KLF12: variants seen among roughly 807,000 people sequenced by gnomAD.
KLF12 encodes KLF transcription factor 12, also known as Krueppel-like factor 12.
A neutral mutation model predicts 37.8 loss-of-function variants in KLF12; 9 were observed. The ratio of observed to expected loss-of-function variants is 0.24; its 90% CI spans 0.14 to 0.42. The LOEUF (loss-of-function observed/expected upper bound fraction) is 0.42, where lower values mean the gene tolerates loss of function less well. KLF12 is among the 10% of genes least tolerant of loss of function. The pLI is 1.00. For synonymous variants in KLF12, 208 were observed against 202.1 expected, an observed-to-expected ratio of 1.03 and a Z score of -0.25; for missense variants, 411 against 516.0, an observed-to-expected ratio of 0.80 and a Z score of 1.97.
chr13:73,995,509 AT>A (rs1325327719), intron 1 of KLF12, among the ~76,000 whole-genome samples: 1 of 152,222 alleles, frequency 6.6e-6, no homozygotes, highest in Non-Finnish European at 1.5e-5. Context: ...ATGTCATTTC[AT>A]TGGGGGAAAT....
intron 3 of KLF12, among the ~76,000 whole-genome samples, chr13:73,854,606 G>A (rs1024083476): frequency 1.8e-4 from 27 of 152,128 alleles, no homozygotes; most frequent in Non-Finnish European, 3.5e-4. Context: ...GGTTCCTTTG[G>A]TAGTATCCAT....
intron 1 of KLF12, among the ~76,000 whole-genome samples, chr13:74,009,654 G>A (rs1536027): frequency 0.96 from 146,224 of 152,294 alleles, 70,461 homozygotes; most frequent in East Asian, 1. Context: ...CTTCTAAACG[G>A]CTTGATTTGC....
the KLF12 span, among the ~76,000 whole-genome samples, chr13:74,147,014 C>T: frequency 3.9e-5 from 6 of 152,146 alleles, no homozygotes; most frequent in Non-Finnish European, 7.4e-5. Context: ...TTGTGTAGCC[C>T]GTGCATGTCA....
intron 1 of KLF12, among the ~76,000 whole-genome samples, chr13:74,085,394 A>G (rs1462085656): frequency 1.3e-5 from 2 of 152,214 alleles, no homozygotes; most frequent in African/African-American, 2.4e-5. Context: ...CGTAGCTCAT[A>G]TTACAACAAG....
the KLF12 span, among the ~76,000 whole-genome samples, chr13:74,237,439 C>G: frequency 7.4e-6 from 1 of 135,686 alleles, no homozygotes; most frequent in Non-Finnish European, 1.5e-5. Context: ...TTTTTTGGTT[C>G]CATATGAACT....
intron 1 of KLF12, among the ~76,000 whole-genome samples, chr13:74,095,492 G>A (rs1369866049): frequency 1.3e-5 from 2 of 151,902 alleles, no homozygotes; most frequent in Non-Finnish European, 2.9e-5. Flanking sequence ...GGGCTCAAGC[G>A]ATCCTCCCAC....
intron 3 of KLF12, among the ~76,000 whole-genome samples, chr13:73,921,173 G>A (rs1280861836): frequency 6.6e-6 from 1 of 152,114 alleles, no homozygotes; most frequent in Admixed American, 6.6e-5. Context: ...CTTCTATGAA[G>A]AGGGTATTTA....
chr13:74,115,245 T>A (rs1302688186), intron 1 of KLF12, among the ~76,000 whole-genome samples: 4 of 152,354 alleles, frequency 2.6e-5, no homozygotes. Context: ...AAAGACCTTA[T>A]AACCACTAAC....
At chr13:74,066,856 A>C (rs1873948617) in intron 1 of KLF12, among the ~76,000 whole-genome samples, 1 of 152,298 alleles carries the variant, frequency 6.6e-6, no homozygotes, top group East Asian at 1.9e-4. Flanking sequence ...ACTCTTAAAA[A>C]TGGGGCATTA....
the KLF12 span, among the ~76,000 whole-genome samples, chr13:74,299,062 G>T: frequency 2.0e-5 from 3 of 152,220 alleles, no homozygotes; most frequent in Non-Finnish European, 4.4e-5. Flanking sequence ...GGAAATGCGG[G>T]TGCCCACATA....
intron 1 of KLF12, among the ~76,000 whole-genome samples, chr13:74,105,375 A>T (rs909330666): frequency 6.6e-6 from 1 of 152,180 alleles, no homozygotes; most frequent in African/African-American, 2.4e-5. Flanking sequence ...ATAAATTTTT[A>T]AAAAATATTA....
chr13:74,216,935 G>A, the KLF12 span, among the ~76,000 whole-genome samples: 191 of 152,028 alleles, frequency 1.3e-3, no homozygotes, highest in Non-Finnish European at 2.0e-3. Flanking sequence ...GTTAAGAGTC[G>A]GCCTATATAT....
intron 5 of KLF12, among the ~76,000 whole-genome samples, chr13:73,789,699 C>CA (rs1226773029): frequency 1.4e-5 from 2 of 145,794 alleles, no homozygotes; most frequent in African/African-American, 5.1e-5. Context: ...TTCTTTGAGA[C>CA]AGAGTCTCGC....
the KLF12 span, among the ~76,000 whole-genome samples, chr13:74,156,670 T>C: frequency 7.5e-4 from 111 of 148,268 alleles, no homozygotes; most frequent in African/African-American, 2.6e-3. Context: ...CTACTCTCTA[T>C]GTTCACCAAT....
At chr13:73,996,553 T>C (rs907973987) in intron 1 of KLF12, among the ~76,000 whole-genome samples, 2 of 152,226 alleles carry the variant, frequency 1.3e-5, no homozygotes, top group Non-Finnish European at 2.9e-5. Context: ...AACTTAATAA[T>C]GCTTAATCCA....
the KLF12 span, among the ~76,000 whole-genome samples, chr13:74,253,652 A>G: frequency 1.2e-4 from 18 of 152,248 alleles, no homozygotes; most frequent in Non-Finnish European, 1.9e-4. Flanking sequence ...AAAACTTGCC[A>G]GCCTGTTAGA....
chr13:73,961,144 T>C (rs1891011659), intron 2 of KLF12, among the ~76,000 whole-genome samples: 1 of 152,186 alleles, frequency 6.6e-6, no homozygotes, highest in East Asian at 1.9e-4. Flanking sequence ...CCTTTGAGCC[T>C]TTAATCATGA....
At chr13:73,812,879 T>A (rs1415346529) in intron 5 of KLF12, 1 of 287,558 alleles carries the variant, frequency 3.5e-6, no homozygotes, top group African/African-American at 2.2e-5. Flanking sequence ...ACAATTTTTT[T>A]TTTTTTGCAG....
intron 1 of KLF12, among the ~76,000 whole-genome samples, chr13:74,100,671 TATAAAC>T (rs1876285514): frequency 6.6e-6 from 1 of 151,552 alleles, no homozygotes; most frequent in Non-Finnish European, 1.5e-5. Context: ...AATATATGTA[TATAAAC>T]ATAGACATAA....
Sources: allele counts gnomAD v4.1 joint callset (sites outside exome capture counted in the v4.1 genomes callset), GRCh38; gene constraint gnomAD v4.1.1; transcripts MANE v1.5; gene names NCBI Gene and HGNC (gene_info 2026-07-23, HGNC 2026-07-21).